MINK1: variants seen among roughly 807,000 people sequenced by gnomAD.
MINK1 encodes the protein misshapen-like kinase 1.
Under a neutral mutation model 178.4 loss-of-function variants are expected in MINK1, and 46 were observed. The observed-to-expected ratio is 0.26, with a 90% CI of 0.20 to 0.33. MINK1 has a LOEUF of 0.33. Ranked by LOEUF, MINK1 falls within the 10% of genes least tolerant of loss-of-function variation. The pLI is 1.00. For synonymous variants in MINK1, 797 were observed against 709.7 expected, an observed-to-expected ratio of 1.12 and a Z score of -1.96; for missense variants, 1,366 against 1,814.9, an observed-to-expected ratio of 0.75 and a Z score of 4.49.
rs1287510415 is a variant in MINK1 at position 4,890,657 on chromosome 17, C to A, written c.1488C>A (p.Leu496=). ...TTCAGAAACAGCAGCAGCAGCAGCT[C>A]CTGCCTGGGGACAGGAAGCCCCTGT... ...QQLQKQQQQQ[L]LPGDRKPLYH... The change falls in exon 14 of 32, where the codon CTC becomes CTA. Residue 496 remains leucine, a synonymous_variant. Coordinates refer to ENST00000355280, the MANE Select transcript of MINK1 (RefSeq NM_153827.5). 1.0e-5 allele frequency: 16 copies of A among 1,551,798 alleles called. 1 individual carries two copies. The South Asian group carries it at 1.8e-4, about 17-fold the overall frequency.
chr17:4,847,718 G>A (rs962563270), intron 1 of MINK1, among the ~76,000 whole-genome samples: 2 of 152,174 alleles, frequency 1.3e-5, no homozygotes, highest in African/African-American at 2.4e-5. Context: ...GCTGGGAGGA[G>A]CTGACAGAAA....
In MINK1 at chr17:4,884,785, G is replaced by A. The variant is rs532774788; in HGVS notation, c.418-127G>A. Reference sequence around the variant, plus strand: ...TCAGCTTGCTTGGGCTCCTGGTGGAGAAGGTCTGCTCCTTCAGCCCAGCCC... The same window carrying A: ...TCAGCTTGCTTGGGCTCCTGGTGGAAAAGGTCTGCTCCTTCAGCCCAGCCC... On this transcript the variant is annotated intron_variant, in intron 5 of 31. Coordinates refer to ENST00000355280, the MANE Select transcript of MINK1 (RefSeq NM_153827.5). 4 of 793,698 alleles carry A rather than the reference G, an allele frequency of 5.0e-6. No homozygotes were observed. The African/African-American group carries it at 6.9e-5, about 14-fold the overall frequency. The allele number at this position is 793,698 out of a possible 1,614,324, so 49.2% of individuals were successfully genotyped here.
Position 4,884,358 on chromosome 17 carries a change from C to T in MINK1, c.307-5C>T. ...TTTCCTTTCGGTACCTTCCTGGGAT[C>T]CTAGCTGGTGATGGAGTTCTGTGGT... On this transcript the variant is annotated splice_region_variant and splice_polypyrimidine_tract_variant and intron_variant, in intron 4 of 31. Transcript: ENST00000355280. The T allele has an allele frequency of 6.2e-7, 1 of 1,612,820 alleles. No individual in the cohort carries two copies. Among genetic ancestry groups the T allele is most frequent in the Non-Finnish European group, 8.5e-7 (1 of 1,178,892 alleles).
chr17:4,844,147 C>T (rs1003565136), intron 1 of MINK1, among the ~76,000 whole-genome samples: 17 of 151,936 alleles, frequency 1.1e-4, no homozygotes, highest in Admixed American at 2.0e-4. Context: ...ATTACAGGTG[C>T]GCACCACCAC....
intron 1 of MINK1, chr17:4,868,916 A>ATTAT (rs757695709): frequency 5.2e-4 from 114 of 221,292 alleles, no homozygotes; most frequent in South Asian, 1.5e-3. Flanking sequence ...CACCTGGCTA[A>ATTAT]TTATTTATTT....
At chr17:4,880,616 C>T (rs1967606062) in intron 2 of MINK1, among the ~76,000 whole-genome samples, 1 of 146,388 alleles carries the variant, frequency 6.8e-6, no homozygotes, top group African/African-American at 2.5e-5. Flanking sequence ...AGAAAACAGT[C>T]GGGCCGGGCG....
intron 1 of MINK1, among the ~76,000 whole-genome samples, chr17:4,861,034 C>T (rs1403450251): frequency 6.6e-6 from 1 of 152,206 alleles, no homozygotes; most frequent in Non-Finnish European, 1.5e-5. Context: ...TCAGCTTCTT[C>T]TGAAAAGCTT....
intron 13 of MINK1, chr17:4,890,047 G>T (rs1417024559): frequency 2.1e-5 from 10 of 486,252 alleles, no homozygotes; most frequent in Admixed American, 4.3e-5. Context: ...CATCTGTGCC[G>T]CATGGCCCCC....
At chr17:4,884,596 T>C (rs906935598) in intron 5 of MINK1, 123 bp downstream of exon 5, 5 of 728,474 alleles carry the variant, frequency 6.9e-6, no homozygotes, top group Non-Finnish European at 1.2e-5. Context: ...GCAGCAGGCC[T>C]GATGCGGGTG....
At chr17:4,842,220 T>TA (rs1164028555) in intron 1 of MINK1, among the ~76,000 whole-genome samples, 13 of 65,150 alleles carry the variant, frequency 2.0e-4, no homozygotes, top group African/African-American at 8.3e-4. Flanking sequence ...CGAGACTCTG[T>TA]CCAAAAAAAA....
In MINK1 at chr17:4,836,167, C is replaced by G. The variant is rs574870350; in HGVS notation, c.57+2527C>G. Among the ~76,000 whole-genome samples, 1 of 152,282 alleles carries G rather than the reference C, an allele frequency of 6.6e-6. No homozygotes were observed. The highest frequency in any genetic ancestry group is 2.4e-5 in the African/African-American group (1 of 41,552). On this transcript the variant is annotated intron_variant, in intron 1 of 31. Coordinates refer to ENST00000355280, the MANE Select transcript of MINK1 (RefSeq NM_153827.5). The surrounding 1 kb of genome is among the most constrained non-coding windows in gnomAD (Gnocchi z 4.3). Reference sequence around the variant, plus strand: ...CAGTGAGAAATGGTGTCTCCCTTTACTACACCATCTTGTGTTGGGGGCTGG... The same window carrying G: ...CAGTGAGAAATGGTGTCTCCCTTTAGTACACCATCTTGTGTTGGGGGCTGG...
chr17:4,867,099 A>AATAATAATAATAAT lies in MINK1; in HGVS notation c.58-11211_58-11210insTAATAATATAATAA, dbSNP rs1311505952. Among the ~76,000 whole-genome samples, 7 of 144,344 alleles carry AATAATAATAATAAT rather than the reference A, an allele frequency of 4.8e-5. No homozygotes were observed. In the Admixed American group the frequency reaches 4.9e-4, roughly 10 times the overall value. The allele number at this position is 144,344 out of a possible 152,430, so 94.7% of individuals were successfully genotyped here. A position where few individuals can be genotyped will look rare whatever the true frequency, so the allele number is the denominator to read the frequency against. On this transcript the variant is annotated intron_variant, in intron 1 of 31. Coordinates refer to ENST00000355280, the MANE Select transcript of MINK1 (RefSeq NM_153827.5). ...AAATAATAATAATAATAATAATAAT[A>AATAATAATAATAAT]ATAATAAACTGCACACTATAGTAGG...
chr17:4,853,783 C>T (rs1033765854), intron 1 of MINK1, among the ~76,000 whole-genome samples: 18 of 152,034 alleles, frequency 1.2e-4, no homozygotes, highest in African/African-American at 4.4e-4. Flanking sequence ...CAGAATCAAA[C>T]GGCTCTGACA....
intron 1 of MINK1, among the ~76,000 whole-genome samples, chr17:4,866,451 G>GC (rs1914976483): frequency 6.6e-6 from 1 of 151,468 alleles, no homozygotes; most frequent in Non-Finnish European, 1.5e-5. Context: ...TGGTGACAGA[G>GC]TGAGACTCCG....
intron 1 of MINK1, among the ~76,000 whole-genome samples, chr17:4,839,129 G>T (rs1170992285): frequency 6.6e-6 from 1 of 152,112 alleles, no homozygotes; most frequent in African/African-American, 2.4e-5. Context: ...ATTTTTAGTA[G>T]AGACGGGGTT....
rs528892205 is a variant in MINK1 at position 4,881,419 on chromosome 17, A to G, written c.306+162A>G. On this transcript the variant is annotated intron_variant, in intron 4 of 31. Coordinates refer to ENST00000355280, the MANE Select transcript of MINK1 (RefSeq NM_153827.5). Reference sequence around the variant, plus strand: ...TGGACCCAGAGGGGCCTCCTGCCTCATGGATGGCCCCGCACTCCAGCCCCC... The same window carrying G: ...TGGACCCAGAGGGGCCTCCTGCCTCGTGGATGGCCCCGCACTCCAGCCCCC... Among the ~76,000 whole-genome samples, 10 of 152,136 alleles carry G rather than the reference A, an allele frequency of 6.6e-5. No homozygotes were observed. In the East Asian group the frequency reaches 1.9e-3, roughly 29 times the overall value.
intron 1 of MINK1, among the ~76,000 whole-genome samples, chr17:4,853,365 G>A (rs1300243830): frequency 1.1e-5 from 1 of 94,066 alleles, no homozygotes. Context: ...AGTGTGGTTG[G>A]GGGGAGTGTG....
chr17:4,886,274 C>G lies in MINK1; in HGVS notation c.773+76C>G. The G allele has an allele frequency of 6.4e-7, 1 of 1,561,618 alleles. No individual in the cohort carries two copies. Among genetic ancestry groups the G allele is most frequent in the East Asian group, 2.2e-5 (1 of 44,620 alleles). On this transcript the variant is annotated intron_variant, in intron 9 of 31. Transcript: ENST00000355280. The surrounding 1 kb of genome is among the most constrained non-coding windows in gnomAD (Gnocchi z 6.1). ...CATCCCCACCTTCATGCCCTCTGTG[C>G]TCAGGCTTGGATCTCACCAGAGAAG... is the stretch of plus-strand genomic sequence containing the variant.
intron 1 of MINK1, among the ~76,000 whole-genome samples, chr17:4,850,204 A>G (rs539220676): frequency 6.6e-6 from 1 of 152,290 alleles, no homozygotes; most frequent in African/African-American, 2.4e-5. Context: ...ATGCCTCTAC[A>G]TAGCTGACAC....
Sources: gnomAD v4.1 joint callset for allele counts (sites outside exome capture counted in the v4.1 genomes callset) on GRCh38, gnomAD v4.1.1 for gene constraint, Gnocchi (gnomAD v3.1) non-coding constraint, MANE v1.5 for transcripts, NCBI Gene and HGNC (gene_info 2026-07-23, HGNC 2026-07-21) for gene names.